Variants in CNTNAP2 observed in about 807,000 individuals in gnomAD.
CNTNAP2 encodes contactin associated protein 2, also known as contactin-associated protein-like 2.
A neutral mutation model predicts 155.2 loss-of-function variants in CNTNAP2; 98 were observed. The observed-to-expected ratio is 0.63, with a 90% CI of 0.54 to 0.75. The LOEUF is 0.75. Among genes scored for constraint, CNTNAP2 ranks in the 30% least tolerant of loss-of-function variants. CNTNAP2 has a pLI of 0.00. For synonymous variants in CNTNAP2, 651 were observed against 631.2 expected (o/e 1.03, Z -0.47); for missense variants, 1,727 against 1,688.1 (o/e 1.02, Z -0.40).
At chr7:147,298,256 C>G (rs981478038) in intron 8 of CNTNAP2, among the ~76,000 whole-genome samples, 2 of 151,936 alleles carry the variant, frequency 1.3e-5, no homozygotes, top group African/African-American at 2.4e-5. Flanking sequence ...GAAACCATGT[C>G]TCTACTAAAA....
intron 1 of CNTNAP2, among the ~76,000 whole-genome samples, chr7:146,261,427 C>T (rs1263435274): frequency 6.6e-6 from 1 of 151,426 alleles, no homozygotes; most frequent in African/African-American, 2.4e-5. Flanking sequence ...CCAACTATAT[C>T]CCAAATACAC....
At chr7:147,875,511 T>C (rs1393248256) in intron 13 of CNTNAP2, among the ~76,000 whole-genome samples, 1 of 152,128 alleles carries the variant, frequency 6.6e-6, no homozygotes, top group Non-Finnish European at 1.5e-5. Flanking sequence ...CAATTCAAGA[T>C]GAGATTTGGG....
At chr7:146,561,215 C>G (rs1317240034) in intron 1 of CNTNAP2, among the ~76,000 whole-genome samples, 4 of 151,994 alleles carry the variant, frequency 2.6e-5, no homozygotes, top group African/African-American at 7.3e-5. Context: ...GGAACTACCC[C>G]CTCTAGGTCA....
In CNTNAP2 at chr7:146,682,210, AC is replaced by A. The variant is rs768809026; in HGVS notation, c.98-92060del. 1.1e-4 allele frequency among the ~76,000 whole-genome samples: 16 copies of A among 152,280 alleles called. No homozygotes were observed. In the East Asian group the frequency reaches 3.1e-3, roughly 29 times the overall value. On this transcript the variant is annotated intron_variant, in intron 1 of 23. Coordinates refer to ENST00000361727, the MANE Select transcript of CNTNAP2 (RefSeq NM_014141.6). ...GACCTAGTTTCCTCACTGTGGAAGA[AC>A]AATATATGTATATACGTATGTATAT...
At chr7:148,413,264 C>T (rs1036387460) in intron 23 of CNTNAP2, among the ~76,000 whole-genome samples, 7 of 150,266 alleles carry the variant, frequency 4.7e-5, no homozygotes, top group African/African-American at 9.8e-5. Context: ...TACTGGTGGG[C>T]GCCTGTAAGC....
In CNTNAP2 at chr7:147,858,793, G is replaced by T. The variant is rs1584994859; in HGVS notation, c.2099-44772G>T. ...ATTAAGGATTGCTGGCAACTACCAGGAACTAGTAAGATGCATGGAAATATT... is the reference window on the plus strand; with the variant it reads ...ATTAAGGATTGCTGGCAACTACCAGTAACTAGTAAGATGCATGGAAATATT... On this transcript the variant is annotated intron_variant, in intron 13 of 23. Transcript: ENST00000361727. Among the ~76,000 whole-genome samples the T allele has an allele frequency of 2.6e-5, 4 of 152,272 alleles. No individual in the cohort carries two copies. In the South Asian group the frequency reaches 8.3e-4, roughly 32 times the overall value.
At chr7:147,040,653 G>T (rs561052344) in intron 3 of CNTNAP2, among the ~76,000 whole-genome samples, 10 of 151,766 alleles carry the variant, frequency 6.6e-5, no homozygotes, top group African/African-American at 2.2e-4. Context: ...TAGAGATAGG[G>T]TATCAGCATG....
At chr7:147,762,797 G>A (rs1210378930) in intron 13 of CNTNAP2, among the ~76,000 whole-genome samples, 1 of 151,266 alleles carries the variant, frequency 6.6e-6, no homozygotes, top group East Asian at 1.9e-4. Flanking sequence ...GGAAGAGGAG[G>A]AAGGGAAGGA....
chr7:147,940,018 C>G (rs1298519082), intron 14 of CNTNAP2: 1 of 152,056 alleles, frequency 6.6e-6, no homozygotes, highest in Non-Finnish European at 1.5e-5. Context: ...AGCATGGTGG[C>G]GGGTGCCTGG....
chr7:146,392,459 G>A (rs1327648321), intron 1 of CNTNAP2, among the ~76,000 whole-genome samples: 3 of 152,180 alleles, frequency 2.0e-5, no homozygotes, highest in South Asian at 4.1e-4. Flanking sequence ...TCCTCTAAAC[G>A]TTTGACCAAA....
At chr7:147,636,338 A>C (rs1277168336) in intron 12 of CNTNAP2, among the ~76,000 whole-genome samples, 1 of 152,234 alleles carries the variant, frequency 6.6e-6, no homozygotes, top group Non-Finnish European at 1.5e-5. Flanking sequence ...AGAGTCTCAC[A>C]GGATAGTCCT....
intron 15 of CNTNAP2, among the ~76,000 whole-genome samples, chr7:148,049,071 C>T (rs990996997): frequency 2.0e-5 from 3 of 152,016 alleles, no homozygotes; most frequent in African/African-American, 7.2e-5. Context: ...AAAAATTAGC[C>T]AGGTGTAGTG....
At chr7:147,316,368 C>T (rs1388663549) in intron 9 of CNTNAP2, among the ~76,000 whole-genome samples, 2 of 151,696 alleles carry the variant, frequency 1.3e-5, no homozygotes, top group Non-Finnish European at 2.9e-5. Flanking sequence ...AGAAGAGAGG[C>T]AAAGAAAGCA....
At chr7:147,615,479 A>C (rs2023973) in intron 12 of CNTNAP2, among the ~76,000 whole-genome samples, 1 of 151,796 alleles carries the variant, frequency 6.6e-6, no homozygotes, top group African/African-American at 2.4e-5. Flanking sequence ...TATAATTTGT[A>C]TATTACGATA....
chr7:148,327,954 G>T (rs1797921128), intron 21 of CNTNAP2, among the ~76,000 whole-genome samples: 2 of 152,122 alleles, frequency 1.3e-5, no homozygotes, highest in Admixed American at 1.3e-4. Flanking sequence ...TCCACCTGAG[G>T]ACACTGGTTT....
At chr7:147,507,675 C>A (rs1798933404) in intron 11 of CNTNAP2, among the ~76,000 whole-genome samples, 1 of 150,702 alleles carries the variant, frequency 6.6e-6, no homozygotes, top group African/African-American at 2.4e-5. Context: ...GCCTCAGCCT[C>A]CCGAGTAGCT....
chr7:147,330,676 T>G (rs1204810730), intron 9 of CNTNAP2, among the ~76,000 whole-genome samples: 1 of 152,162 alleles, frequency 6.6e-6, no homozygotes, highest in African/African-American at 2.4e-5. Context: ...TCCTTCTTTT[T>G]GCCATCCTAA....
At chr7:147,946,152 C>T (rs945325088) in intron 14 of CNTNAP2, among the ~76,000 whole-genome samples, 35 of 152,132 alleles carry the variant, frequency 2.3e-4, no homozygotes, top group Non-Finnish European at 8.8e-5. Flanking sequence ...GGTCTGGAAA[C>T]TTCATTCTTG....
chr7:146,889,095 TCACCAG>T (rs1203736511), intron 3 of CNTNAP2, among the ~76,000 whole-genome samples: 1 of 152,118 alleles, frequency 6.6e-6, no homozygotes, highest in African/African-American at 2.4e-5. Flanking sequence ...GATGATGGTT[TCACCAG>T]CACACTTATC....
Sources: gnomAD v4.1 joint callset for allele counts (sites outside exome capture counted in the v4.1 genomes callset) on GRCh38, gnomAD v4.1.1 for gene constraint, MANE v1.5 for transcripts, NCBI Gene and HGNC (gene_info 2026-07-23, HGNC 2026-07-21) for gene names.